Variants in ZC3H12B observed in about 807,000 individuals in gnomAD.
ZC3H12B encodes zinc finger CCCH-type containing 12B.
In ZC3H12B, 7 loss-of-function variants were observed where a neutral mutation model predicts 43.9. The observed-to-expected ratio is 0.16, with a 90% CI of 0.09 to 0.30. ZC3H12B has a LOEUF of 0.30. ZC3H12B is among the 10% of genes least tolerant of loss of function. The pLI, the probability that ZC3H12B is intolerant of heterozygous loss-of-function variation, is 1.00. For synonymous variants in ZC3H12B, 222 were observed against 241.7 expected (o/e 0.92, Z 0.76); for missense variants, 475 against 670.2 (o/e 0.71, Z 3.22).
At chrX:65,428,941 T>A (rs975155911) in intron 3 of ZC3H12B, among the ~76,000 whole-genome samples, 1 of 112,601 alleles carries the variant, frequency 8.9e-6, no homozygotes, top group Non-Finnish European at 1.9e-5. Flanking sequence ...GCAGTCTTTT[T>A]GTTAATGCTG....
chrX:65,358,028 A>T, the ZC3H12B span, among the ~76,000 whole-genome samples: 4 of 110,728 alleles, frequency 3.6e-5, no homozygotes, highest in Non-Finnish European at 7.6e-5. Flanking sequence ...GTAAAAAAAA[A>T]AAAACAGCCC....
In ZC3H12B at chrX:65,456,731, C is replaced by T. The variant is rs760676304; in HGVS notation, n.408-31915C>T. Among the ~76,000 whole-genome samples the T allele has an allele frequency of 2.5e-3, 271 of 109,244 alleles. 1 individual carries two copies. The East Asian group carries it at 0.039, about 16-fold the overall frequency. 94.9% of individuals were successfully genotyped at this position (109,244 alleles called of 115,157 possible). A position where few individuals can be genotyped will look rare whatever the true frequency, so the allele number is the denominator to read the frequency against. ...GGCACCGGGATTGCAGACAGAGTCTCGTTCACTCAGTGCTCAATGGTGCCC... is the reference window on the plus strand; with the variant it reads ...GGCACCGGGATTGCAGACAGAGTCTTGTTCACTCAGTGCTCAATGGTGCCC... On this transcript the variant is annotated intron_variant and non_coding_transcript_variant, in intron 3 of 5. Transcript: ENST00000617377.
chrX:65,056,362 A>C, the ZC3H12B span, among the ~76,000 whole-genome samples: 1 of 111,782 alleles, frequency 8.9e-6, no homozygotes, highest in African/African-American at 3.3e-5. Flanking sequence ...GTAGTCATTC[A>C]GGAGCAGGTT....
the ZC3H12B span, among the ~76,000 whole-genome samples, chrX:65,240,562 C>G: frequency 8.9e-6 from 1 of 111,782 alleles, no homozygotes; most frequent in African/African-American, 3.3e-5. Flanking sequence ...AATCCTACTT[C>G]TGTTAATTCA....
intron 2 of ZC3H12B, among the ~76,000 whole-genome samples, chrX:65,384,580 G>T (rs1034203148): frequency 1.8e-5 from 2 of 111,001 alleles, no homozygotes; most frequent in African/African-American, 6.5e-5. Flanking sequence ...ACCTTTTATG[G>T]TTAATAAACT....
the ZC3H12B span, among the ~76,000 whole-genome samples, chrX:65,206,000 T>C: frequency 9.0e-6 from 1 of 111,727 alleles, no homozygotes; most frequent in Non-Finnish European, 1.9e-5. Flanking sequence ...AAAACACTGC[T>C]GAAAGAAATC....
intron 3 of ZC3H12B, chrX:65,408,817 C>G (rs1457386901): frequency 2.4e-6 from 1 of 411,318 alleles, no homozygotes; most frequent in African/African-American, 2.5e-5. Flanking sequence ...ACAGGTCACC[C>G]TGGAAGTTTG....
intron 3 of ZC3H12B, among the ~76,000 whole-genome samples, chrX:65,471,095 C>T (rs1479098911): frequency 1.8e-5 from 2 of 111,402 alleles, no homozygotes; most frequent in Non-Finnish European, 3.8e-5. Flanking sequence ...TTACTTTCTG[C>T]TTCAGTGAGC....
chrX:65,155,070 C>T, the ZC3H12B span, among the ~76,000 whole-genome samples: 1 of 109,319 alleles, frequency 9.1e-6, no homozygotes, highest in Admixed American at 9.9e-5. Context: ...ATCCTCCCAC[C>T]TCAGCATCCC....
chrX:65,071,690 T>C, the ZC3H12B span, among the ~76,000 whole-genome samples: 2 of 112,002 alleles, frequency 1.8e-5, no homozygotes, highest in African/African-American at 6.5e-5. Context: ...GAAAGGATCT[T>C]ATTTCTTGTT....
chrX:65,094,169 T>C, the ZC3H12B span, among the ~76,000 whole-genome samples: 5 of 110,209 alleles, frequency 4.5e-5, no homozygotes, highest in Non-Finnish European at 9.5e-5. Flanking sequence ...TCCACCATGA[T>C]TGTAACTTTC....
chrX:65,117,575 A>T, the ZC3H12B span, among the ~76,000 whole-genome samples: 1 of 111,628 alleles, frequency 9.0e-6, no homozygotes, highest in East Asian at 2.8e-4. Context: ...ATTAGATCCC[A>T]TGTGTCAATT....
At chrX:65,391,837 C>T (rs1032824804) in intron 2 of ZC3H12B, among the ~76,000 whole-genome samples, 7 of 111,462 alleles carry the variant, frequency 6.3e-5, no homozygotes, top group Non-Finnish European at 9.4e-5. Flanking sequence ...ACTGTAATGC[C>T]GCGATCTTGG....
chrX:65,133,106 C>T, the ZC3H12B span, among the ~76,000 whole-genome samples: 5 of 111,335 alleles, frequency 4.5e-5, no homozygotes, highest in Non-Finnish European at 5.7e-5. Flanking sequence ...GCAAGATCCT[C>T]GGGCAGGCAG....
the ZC3H12B span, among the ~76,000 whole-genome samples, chrX:65,105,921 G>C: frequency 9.0e-6 from 1 of 111,688 alleles, no homozygotes; most frequent in African/African-American, 3.3e-5. Flanking sequence ...GCTGAGAAGA[G>C]CTCTTGGAAC....
At chrX:65,167,180 A>T in the ZC3H12B span, among the ~76,000 whole-genome samples, 1 of 111,750 alleles carries the variant, frequency 8.9e-6, no homozygotes, top group Non-Finnish European at 1.9e-5. Flanking sequence ...TTTTAGGTCT[A>T]ACATTTAAGT....
chrX:65,298,446 A>T, the ZC3H12B span, among the ~76,000 whole-genome samples: 3 of 112,353 alleles, frequency 2.7e-5, no homozygotes, highest in African/African-American at 9.7e-5. Context: ...ATACAACAAT[A>T]AAGATCTAAA....
the ZC3H12B span, among the ~76,000 whole-genome samples, chrX:65,352,054 C>A: frequency 2.8e-4 from 31 of 112,208 alleles, no homozygotes; most frequent in Non-Finnish European, 2.4e-4. Flanking sequence ...ATAGCAAAGA[C>A]TTGGAACCAA....
chrX:65,327,171 G>A, the ZC3H12B span, among the ~76,000 whole-genome samples: 1 of 111,103 alleles, frequency 9.0e-6, no homozygotes, highest in Non-Finnish European at 1.9e-5. Flanking sequence ...TGTCATTGCA[G>A]CACTGTTCAC....
Sources: allele counts gnomAD v4.1 joint callset (sites outside exome capture counted in the v4.1 genomes callset), GRCh38; gene constraint gnomAD v4.1.1; transcripts MANE v1.5; gene names NCBI Gene and HGNC (gene_info 2026-07-23, HGNC 2026-07-21).